SOCS7: variants seen among roughly 807,000 people sequenced by gnomAD.
SOCS7 encodes NAP-4.
A neutral mutation model predicts 58.9 loss-of-function variants in SOCS7; 18 were observed. The observed-to-expected ratio is 0.31, with a 90% CI of 0.21 to 0.45. The LOEUF (loss-of-function observed/expected upper bound fraction) is 0.45. Ranked by LOEUF, SOCS7 falls within the 20% of genes least tolerant of loss-of-function variation. The probability of loss-of-function intolerance (pLI) is 1.00; values close to 1 mark genes in which losing one functional copy is unlikely to be tolerated. For synonymous variants in SOCS7, 388 were observed against 364.3 expected (o/e 1.06, Z -0.74); for missense variants, 667 against 837.3 (o/e 0.80, Z 2.51).
At chr17:38,373,916 C>G (rs1458327150) in intron 6 of SOCS7, among the ~76,000 whole-genome samples, 1 of 152,210 alleles carries the variant, frequency 6.6e-6, no homozygotes, top group Non-Finnish European at 1.5e-5. Context: ...TGGAAAGATT[C>G]CTCCATTGAA....
intron 9 of SOCS7, among the ~76,000 whole-genome samples, chr17:38,398,163 C>T (rs1014810231): frequency 2.0e-5 from 3 of 151,330 alleles, no homozygotes; most frequent in Admixed American, 6.6e-5. Flanking sequence ...AAAGAGTAAG[C>T]GTAATGCTGA....
At chr17:38,370,795 C>T (rs867350885) in intron 6 of SOCS7, among the ~76,000 whole-genome samples, 1 of 151,682 alleles carries the variant, frequency 6.6e-6, no homozygotes, top group Non-Finnish European at 1.5e-5. Context: ...GGACTATAGG[C>T]ACCCACCACC....
At chr17:38,384,886 C>A (rs908756772) in intron 7 of SOCS7, among the ~76,000 whole-genome samples, 9 of 146,918 alleles carry the variant, frequency 6.1e-5, no homozygotes, top group African/African-American at 2.3e-4. Flanking sequence ...CCACTGCACC[C>A]AGCTCTTTTT....
intron 6 of SOCS7, among the ~76,000 whole-genome samples, chr17:38,372,834 C>T (rs563138744): frequency 4.4e-4 from 67 of 152,246 alleles, no homozygotes; most frequent in Admixed American, 3.5e-3. Context: ...AGGCTGGATG[C>T]GGTGGCTCAC....
intron 6 of SOCS7, among the ~76,000 whole-genome samples, chr17:38,373,679 C>A (rs1039395031): frequency 1.3e-5 from 2 of 152,132 alleles, no homozygotes; most frequent in African/African-American, 4.8e-5. Flanking sequence ...TAAGGGATTG[C>A]CTTTAAAGCT....
chr17:38,366,010 C>A, intron 4 of SOCS7: 1 of 1,201,676 alleles, frequency 8.3e-7, no homozygotes, highest in Non-Finnish European at 1.0e-6. Flanking sequence ...CTGGTGAAGC[C>A]CCTGAAGTAG....
rs1368209189 is a variant in SOCS7 at position 38,402,108 on chromosome 17, G to C, written c.*2626G>C. On this transcript the variant is annotated 3_prime_UTR_variant, in exon 10 of 10. Coordinates refer to ENST00000612932, the MANE Select transcript of SOCS7 (RefSeq NM_014598.4). ...CTCACCACCCACCTTTCTCCTCCTG[G>C]GGAGTGTCGTGTTGAACTGTGTCTG... 1 of 152,416 alleles carries C rather than the reference G, an allele frequency of 6.6e-6. No homozygotes were observed. Among genetic ancestry groups the C allele is most frequent in the Non-Finnish European group, 1.5e-5 (1 of 68,192 alleles). The allele number at this position is 152,416 out of a possible 1,614,324, so 9.4% of individuals were successfully genotyped here.
chr17:38,395,520 G>A lies in SOCS7; in HGVS notation c.1817+76G>A, dbSNP rs2038234032. 8.5e-6 allele frequency: 12 copies of A among 1,419,848 alleles called. No individual in the cohort carries two copies. The East Asian group carries it at 2.5e-4, about 30-fold the overall frequency. 88.0% of individuals were successfully genotyped at this position (1,419,848 alleles called of 1,614,324 possible). A position where few individuals can be genotyped will look rare whatever the true frequency, so the allele number is the denominator to read the frequency against. Reference sequence around the variant, plus strand: ...GGAGGTAACAATGTCAGTGAGGCCTGCAAGCTACCTTCACAGGCAGAGTCT... The same window carrying A: ...GGAGGTAACAATGTCAGTGAGGCCTACAAGCTACCTTCACAGGCAGAGTCT... On this transcript the variant is annotated intron_variant, in intron 8 of 9. Transcript: ENST00000612932.
chr17:38,361,509 T>C (rs2037718797), intron 1 of SOCS7, among the ~76,000 whole-genome samples: 1 of 152,246 alleles, frequency 6.6e-6, no homozygotes, highest in Non-Finnish European at 1.5e-5. Flanking sequence ...GGTTGGTGAA[T>C]TCTGTAGCCA....
At chr17:38,385,564 TC>T (rs1330388438) in intron 7 of SOCS7, among the ~76,000 whole-genome samples, 1 of 151,992 alleles carries the variant, frequency 6.6e-6, no homozygotes, top group Non-Finnish European at 1.5e-5. Flanking sequence ...CAGAAATCCT[TC>T]CGTGTGCCCC....
At chr17:38,360,249 T>A (rs1771019508) in intron 1 of SOCS7, among the ~76,000 whole-genome samples, 1 of 151,334 alleles carries the variant, frequency 6.6e-6, no homozygotes, top group Non-Finnish European at 1.5e-5. Context: ...CAGGCTGGAG[T>A]GCAGTGGTGT....
chr17:38,377,910 C>T (rs2037952204), intron 7 of SOCS7, 68 bp downstream of exon 7: 5 of 1,487,376 alleles, frequency 3.4e-6, no homozygotes, highest in Middle Eastern at 2.4e-4. Flanking sequence ...TCAAAAAACA[C>T]CATCCCCACA....
At position 38,352,823 on chromosome 17, in the gene SOCS7, T is replaced by G; in HGVS notation, c.771T>G (p.Pro257=). 1 of 1,562,666 alleles carries G rather than the reference T, an allele frequency of 6.4e-7. No individual in the cohort carries two copies. Among genetic ancestry groups the G allele is most frequent in the Non-Finnish European group, 8.7e-7 (1 of 1,154,006 alleles). Residue 257 remains proline, a synonymous_variant, in exon 1 of 10, where the codon CCT becomes CCG. Transcript: ENST00000612932. This position sits in a 1 kb window ranked among gnomAD's most constrained non-coding sequence, Gnocchi z 5.5. Reference sequence around the variant, plus strand: ...AGCAGCAACCTCCCCCGCCCCCGCCTCCTCCCGGGCCCCTCCGGCCACTCG... The same window carrying G: ...AGCAGCAACCTCCCCCGCCCCCGCCGCCTCCCGGGCCCCTCCGGCCACTCG... The part of the protein sequence containing the change: ...QQQQQPPPPP[P]PPGPLRPLAG...
In SOCS7 at chr17:38,352,653, C is replaced by T; in HGVS notation, c.601C>T (p.Leu201Phe). The T allele has an allele frequency of 6.5e-7, 1 of 1,550,010 alleles. No individual in the cohort carries two copies. Among genetic ancestry groups the T allele is most frequent in the Non-Finnish European group, 8.7e-7 (1 of 1,146,842 alleles). The change falls in exon 1 of 10, where the codon CTC (leucine) becomes TTC (phenylalanine). Residue 201 changes from leucine to phenylalanine, a missense_variant. Transcript: ENST00000612932. The surrounding 1 kb of genome is among the most constrained non-coding windows in gnomAD (Gnocchi z 5.5). The stretch of plus-strand genomic sequence containing the variant: ...GACTAACAGCTGCTCGGAAGAGGAG[C>T]TCAGCAGCCCGGGTCGCGGAGGAGG... Reference protein sequence around the residue: ...LETNSCSEEELSSPGRGGGGG... With the variant: ...LETNSCSEEEFSSPGRGGGGG...
rs536164021 is a variant in SOCS7 at position 38,370,317 on chromosome 17, A to G, written c.1552+2267A>G. Among the ~76,000 whole-genome samples the G allele has an allele frequency of 2.4e-3, 363 of 151,934 alleles. 1 individual carries two copies. Among genetic ancestry groups the G allele is most frequent in the Non-Finnish European group, 4.3e-3 (289 of 67,950 alleles). On this transcript the variant is annotated intron_variant, in intron 6 of 9. Coordinates refer to ENST00000612932, the MANE Select transcript of SOCS7 (RefSeq NM_014598.4). ...CTGGCCACCAGTTACTTTTTGTTAAAGGGACTTTGCTTCCTTGAATAAGTA... is the reference window on the plus strand; with the variant it reads ...CTGGCCACCAGTTACTTTTTGTTAAGGGGACTTTGCTTCCTTGAATAAGTA...
chr17:38,387,942 T>A (rs952566768), intron 7 of SOCS7, among the ~76,000 whole-genome samples: 4 of 151,642 alleles, frequency 2.6e-5, no homozygotes, highest in Non-Finnish European at 5.9e-5. Flanking sequence ...GCTAATTTTT[T>A]TGTATTTTTA....
intron 7 of SOCS7, among the ~76,000 whole-genome samples, chr17:38,382,899 C>T (rs1407290087): frequency 6.6e-6 from 1 of 152,094 alleles, no homozygotes; most frequent in Non-Finnish European, 1.5e-5. Context: ...TTTCTCAGCT[C>T]TGCATTATTG....
intron 6 of SOCS7, among the ~76,000 whole-genome samples, chr17:38,371,379 AT>A (rs951451799): frequency 6.6e-6 from 1 of 151,966 alleles, no homozygotes; most frequent in Non-Finnish European, 1.5e-5. Flanking sequence ...GGTTCAGGCA[AT>A]TCTCCTGCCT....
chr17:38,383,303 T>C (rs986409989), intron 7 of SOCS7, among the ~76,000 whole-genome samples: 4 of 152,174 alleles, frequency 2.6e-5, no homozygotes, highest in African/African-American at 9.7e-5. Context: ...AGACAATGCC[T>C]GACACAGAGT....
Sources: allele counts gnomAD v4.1 joint callset (sites outside exome capture counted in the v4.1 genomes callset), GRCh38; gene constraint gnomAD v4.1.1; non-coding constraint Gnocchi (gnomAD v3.1); transcripts MANE v1.5; gene names NCBI Gene and HGNC (gene_info 2026-07-23, HGNC 2026-07-21).